Variants in PRKCB observed in about 807,000 individuals in gnomAD.
The protein encoded by PRKCB is protein kinase C beta type.
In PRKCB, 13 loss-of-function variants were observed where a neutral mutation model predicts 81.5. The ratio of observed to expected loss-of-function variants is 0.16; its 90% CI spans 0.10 to 0.25. The LOEUF (loss-of-function observed/expected upper bound fraction) is 0.25. Ranked by LOEUF, PRKCB falls within the 10% of genes least tolerant of loss-of-function variation. The pLI, the probability that PRKCB is intolerant of heterozygous loss-of-function variation, is 1.00. For missense variants in PRKCB, 509 were observed against 875.7 expected, an observed-to-expected ratio of 0.58 and a Z score of 5.29; for synonymous variants, 335 against 321.4, an observed-to-expected ratio of 1.04 and a Z score of -0.45.
At chr16:23,966,211 T>A (rs1201561607) in intron 2 of PRKCB, among the ~76,000 whole-genome samples, 2 of 152,208 alleles carry the variant, frequency 1.3e-5, no homozygotes, top group Non-Finnish European at 2.9e-5. Context: ...CACAGTTCCA[T>A]CTCTTGCCCT....
intron 2 of PRKCB, among the ~76,000 whole-genome samples, chr16:23,983,892 T>C (rs1964769884): frequency 6.6e-6 from 1 of 152,076 alleles, no homozygotes; most frequent in South Asian, 2.1e-4. Context: ...ATTTTTGTAT[T>C]TTTTGTAGAG....
chr16:23,921,575 C>CAGAT (rs1364639060), intron 2 of PRKCB, among the ~76,000 whole-genome samples: 14 of 152,070 alleles, frequency 9.2e-5, no homozygotes, highest in African/African-American at 3.1e-4. Flanking sequence ...TACAGGTGGG[C>CAGAT]AGATCACTTG....
At chr16:24,198,977 A>G (rs910227482) in intron 16 of PRKCB, among the ~76,000 whole-genome samples, 18 of 151,838 alleles carry the variant, frequency 1.2e-4, no homozygotes, top group African/African-American at 4.4e-4. Flanking sequence ...CTCCAAACCC[A>G]CTTGTATGAC....
intron 2 of PRKCB, among the ~76,000 whole-genome samples, chr16:23,953,918 G>A (rs1333085747): frequency 6.7e-6 from 1 of 148,250 alleles, no homozygotes; most frequent in African/African-American, 2.5e-5. Flanking sequence ...ACCCAGGCTG[G>A]AATGCAGTGA....
chr16:24,180,845 G>A lies in PRKCB; in HGVS notation c.1450G>A (p.Asp484Asn). The change falls in exon 13 of 17, where the codon GAT (aspartate) becomes AAT (asparagine). Residue 484 changes from aspartate to asparagine, a missense_variant. Asp to Asn is a conservative substitution (Grantham distance 23). Transcript: ENST00000643927. ...TTCTGAGGGACACATCAAGATTGCCGATTTTGGCATGTGTAAGGAAAACAT... is the reference window on the plus strand; with the variant it reads ...TTCTGAGGGACACATCAAGATTGCCAATTTTGGCATGTGTAAGGAAAACAT... ...LDSEGHIKIA[D>N]FGMCKENIWD... 6.2e-7 allele frequency: 1 copy of A among 1,614,198 alleles called. No individual in the cohort carries two copies. The highest frequency in any genetic ancestry group is 1.1e-5 in the South Asian group (1 of 91,086).
chr16:23,898,900 A>G (rs1244491202), intron 2 of PRKCB, among the ~76,000 whole-genome samples: 3 of 152,200 alleles, frequency 2.0e-5, no homozygotes, highest in Non-Finnish European at 2.9e-5. Flanking sequence ...GGTGATAGTG[A>G]TCGTGTATAC....
At chr16:24,062,058 C>T (rs1270079753) in intron 5 of PRKCB, among the ~76,000 whole-genome samples, 1 of 152,166 alleles carries the variant, frequency 6.6e-6, no homozygotes, top group East Asian at 1.9e-4. Flanking sequence ...CAACCCACTG[C>T]TATGTTGTTA....
intron 2 of PRKCB, among the ~76,000 whole-genome samples, chr16:23,966,278 C>T (rs1305605854): frequency 2.0e-5 from 3 of 152,204 alleles, no homozygotes; most frequent in South Asian, 2.1e-4. Flanking sequence ...TATTGCCTTA[C>T]GGTTTCCTCC....
At chr16:24,193,476 T>TAAATAAATAAATAAATAAATAAATA (rs1967829939) in intron 16 of PRKCB, among the ~76,000 whole-genome samples, 1 of 139,806 alleles carries the variant, frequency 7.2e-6, no homozygotes, top group African/African-American at 2.7e-5. Flanking sequence ...AATAAATAAA[T>TAAATAAATAAATAAATAAATAAATA]AAATAAATAA....
intron 3 of PRKCB, among the ~76,000 whole-genome samples, chr16:23,997,648 T>A (rs1006131365): frequency 1.3e-5 from 2 of 152,250 alleles, no homozygotes; most frequent in African/African-American, 4.8e-5. Context: ...TTCTTTATCA[T>A]GTAACGTAAG....
At chr16:23,841,023 C>T (rs1335985882) in intron 2 of PRKCB, among the ~76,000 whole-genome samples, 1 of 152,144 alleles carries the variant, frequency 6.6e-6, no homozygotes, top group African/African-American at 2.4e-5. Flanking sequence ...AGAAGTGGAA[C>T]TCCTTTGACA....
At chr16:24,028,798 G>T (rs1356428134) in intron 3 of PRKCB, among the ~76,000 whole-genome samples, 6 of 151,414 alleles carry the variant, frequency 4.0e-5, no homozygotes, top group African/African-American at 1.5e-4. Context: ...TATGGATATG[G>T]TTGTTGTTTT....
At chr16:24,033,883 G>A (rs1209625088) in intron 4 of PRKCB, among the ~76,000 whole-genome samples, 2 of 152,152 alleles carry the variant, frequency 1.3e-5, no homozygotes, top group South Asian at 2.1e-4. Flanking sequence ...CACATGGAGA[G>A]CCACAGAGAG....
At chr16:24,069,143 T>C (rs7195728) in intron 5 of PRKCB, among the ~76,000 whole-genome samples, 18,714 of 152,126 alleles carry the variant, frequency 0.12, 1,976 homozygotes, top group African/African-American at 0.29. Flanking sequence ...AGAGCTGATC[T>C]GCCAGGATCT....
chr16:24,214,440 C>T (rs936890272), intron 16 of PRKCB, among the ~76,000 whole-genome samples: 1 of 152,130 alleles, frequency 6.6e-6, no homozygotes, highest in Non-Finnish European at 1.5e-5. Flanking sequence ...GCTACAAAAA[C>T]TGAAGGTCGG....
intron 3 of PRKCB, among the ~76,000 whole-genome samples, chr16:24,026,865 A>G (rs1376415396): frequency 6.6e-6 from 1 of 152,152 alleles, no homozygotes; most frequent in East Asian, 1.9e-4. Context: ...TGCGAGCTCC[A>G]CCACTGGGGT....
intron 7 of PRKCB, among the ~76,000 whole-genome samples, chr16:24,094,668 G>A (rs897678599): frequency 2.9e-4 from 44 of 152,078 alleles, no homozygotes; most frequent in African/African-American, 9.9e-4. Flanking sequence ...TCAGGAGGCT[G>A]AGATGGGAGG....
intron 2 of PRKCB, among the ~76,000 whole-genome samples, chr16:23,894,847 T>C (rs1421117363): frequency 6.6e-6 from 1 of 152,236 alleles, no homozygotes; most frequent in Non-Finnish European, 1.5e-5. Context: ...CTATATTCAT[T>C]AGTGAAATTT....
At chr16:24,039,245 T>G (rs1184032278) in intron 5 of PRKCB, among the ~76,000 whole-genome samples, 1 of 152,108 alleles carries the variant, frequency 6.6e-6, no homozygotes, top group Non-Finnish European at 1.5e-5. Flanking sequence ...TTTATTTTGT[T>G]TTAGATGGAG....
Sources: allele counts gnomAD v4.1 joint callset (sites outside exome capture counted in the v4.1 genomes callset), GRCh38; gene constraint gnomAD v4.1.1; transcripts MANE v1.5; gene names NCBI Gene and HGNC (gene_info 2026-07-23, HGNC 2026-07-21).